ZNF616: variants seen among roughly 807,000 people sequenced by gnomAD.
ZNF616 encodes zinc finger protein 616.
A neutral mutation model predicts 7.6 loss-of-function variants in ZNF616; 5 were observed. The observed-to-expected ratio is 0.66, with a 90% CI of 0.34 to 1.38. The LOEUF (loss-of-function observed/expected upper bound fraction) is 1.38. Ranked by LOEUF, ZNF616 falls within the 40% of genes most tolerant of loss-of-function variation. ZNF616 has a pLI of 0.04. For synonymous variants in ZNF616, 319 were observed against 317.2 expected, an observed-to-expected ratio of 1.01 and a Z score of -0.06; for missense variants, 913 against 948.3, an observed-to-expected ratio of 0.96 and a Z score of 0.49.
chr19:52,113,342 T>A lies in ZNF616; in HGVS notation c.*1476A>T, dbSNP rs1464306424. 1 of 152,216 alleles carries A rather than the reference T, an allele frequency of 6.6e-6. No homozygotes were observed. Among genetic ancestry groups the A allele is most frequent in the Non-Finnish European group, 1.5e-5 (1 of 68,034 alleles). 9.4% of individuals were successfully genotyped at this position (152,216 alleles called of 1,614,324 possible). ...CAAGTTTTCTCTCAAGTAGGGATAA[T>A]TTGGTAAAGGCTGAAGACACACTAC... On this transcript the variant is annotated 3_prime_UTR_variant, in exon 4 of 4. Transcript: ENST00000600228.
rs1261258212 is a variant in ZNF616, at chr19:52,113,724, G to C, written c.*1094C>G. 6.6e-6 allele frequency: 1 copy of C among 152,014 alleles called. No individual in the cohort carries two copies. The highest frequency in any genetic ancestry group is 1.5e-5 in the Non-Finnish European group (1 of 68,030). The allele number at this position is 152,014 out of a possible 1,614,324, so 9.4% of individuals were successfully genotyped here. On this transcript the variant is annotated 3_prime_UTR_variant, in exon 4 of 4. Coordinates refer to ENST00000600228, the MANE Select transcript of ZNF616 (RefSeq NM_178523.5). The stretch of plus-strand genomic sequence containing the variant: ...GAGAACATGTGCTGTTTGATTTTCT[G>C]TTCCTGTGTTAGTTTCCTGAGGATA...
chr19:52,123,820 G>C, intron 3 of ZNF616, 103 bp downstream of exon 3: 1 of 1,414,538 alleles, frequency 7.1e-7, no homozygotes, highest in South Asian at 1.2e-5. Flanking sequence ...GAACCAATAA[G>C]GCTTCAGTCT....
intron 1 of ZNF616, among the ~76,000 whole-genome samples, chr19:52,137,997 C>T (rs2089027525): frequency 6.6e-6 from 1 of 152,206 alleles, no homozygotes; most frequent in Non-Finnish European, 1.5e-5. Flanking sequence ...CCTTCAAAGA[C>T]ATACATTGTA....
intron 3 of ZNF616, among the ~76,000 whole-genome samples, chr19:52,123,553 G>C (rs2088880864): frequency 6.6e-6 from 1 of 152,126 alleles, no homozygotes; most frequent in Admixed American, 6.5e-5. Context: ...GATTGCTTGA[G>C]CCCAGGAGAC....
intron 3 of ZNF616, among the ~76,000 whole-genome samples, chr19:52,118,934 G>C (rs574131869): frequency 8.4e-4 from 128 of 152,258 alleles, no homozygotes; most frequent in African/African-American, 2.9e-3. Context: ...TACGTTTGCA[G>C]GATCAAACAT....
intron 3 of ZNF616, among the ~76,000 whole-genome samples, chr19:52,123,615 G>C (rs2088881115): frequency 6.6e-6 from 1 of 152,180 alleles, no homozygotes; most frequent in Non-Finnish European, 1.5e-5. Context: ...CTGGGCAACA[G>C]AGCAAGAACC....
chr19:52,136,146 G>T (rs1568563966), intron 1 of ZNF616, among the ~76,000 whole-genome samples: 1 of 139,758 alleles, frequency 7.2e-6, no homozygotes, highest in African/African-American at 2.8e-5. Flanking sequence ...AAAAAAAGCG[G>T]GGGGGGGACA....
chr19:52,134,250 CCTT>C (rs1456679304), intron 1 of ZNF616, among the ~76,000 whole-genome samples: 7 of 152,234 alleles, frequency 4.6e-5, no homozygotes, highest in Non-Finnish European at 8.8e-5. Flanking sequence ...TAATTTCCCT[CCTT>C]ATCACGACAT....
At chr19:52,117,179 T>C (rs2088833548) in intron 3 of ZNF616, among the ~76,000 whole-genome samples, 155 bp from the exon 4 acceptor site, 2 of 152,172 alleles carry the variant, frequency 1.3e-5, no homozygotes, top group African/African-American at 4.8e-5. Flanking sequence ...AAATACAAAA[T>C]GAATAGAAGT....
chr19:52,138,440 ACCAT>A (rs1417883567), intron 1 of ZNF616: 1 of 152,174 alleles, frequency 6.6e-6, no homozygotes, highest in African/African-American at 2.4e-5. Context: ...CATTAAAACC[ACCAT>A]CCATATCCAA....
intron 1 of ZNF616, among the ~76,000 whole-genome samples, chr19:52,136,718 A>G (rs1382220918): frequency 6.6e-6 from 1 of 152,176 alleles, no homozygotes; most frequent in African/African-American, 2.4e-5. Flanking sequence ...AATGCAATCC[A>G]GCAATCTCAT....
At chr19:52,130,277 G>A (rs1369267293) in intron 2 of ZNF616, among the ~76,000 whole-genome samples, 1 of 152,114 alleles carries the variant, frequency 6.6e-6, no homozygotes, top group Non-Finnish European at 1.5e-5. Flanking sequence ...ACCATGCCCA[G>A]TGCAGCCTCT....
chr19:52,124,387 G>A (rs1441800856), intron 2 of ZNF616, among the ~76,000 whole-genome samples: 3 of 152,224 alleles, frequency 2.0e-5, no homozygotes, highest in Non-Finnish European at 4.4e-5. Flanking sequence ...TTTCAGAGAT[G>A]ACAATGTCTA....
rs991507161 is a variant in ZNF616, at chr19:52,134,856, C to G, written c.-76-4268G>C. On this transcript the variant is annotated intron_variant, in intron 1 of 3. Transcript: ENST00000600228. ...ACCCTCTTGCCTGGAGAAAATATCC[C>G]TGTTCCACACTGAGTTTAAAGCATT... Among the ~76,000 whole-genome samples the G allele has an allele frequency of 3.2e-4, 49 of 152,132 alleles. 1 individual carries two copies. The highest frequency in any genetic ancestry group is 8.8e-5 in the Non-Finnish European group (6 of 68,028).
At chr19:52,117,166 T>A in intron 3 of ZNF616, 142 bp from the exon 4 acceptor site, 1 of 663,742 alleles carries the variant, frequency 1.5e-6, no homozygotes, top group South Asian at 3.3e-5. Context: ...CTTTTATTTT[T>A]AGAAATACAA....
intron 1 of ZNF616, among the ~76,000 whole-genome samples, chr19:52,133,485 G>A (rs1208839450): frequency 3.9e-5 from 6 of 152,150 alleles, no homozygotes. Context: ...AACGGGTCAT[G>A]GGGGTTTGTT....
At chr19:52,129,244 A>G (rs576637856) in intron 2 of ZNF616, among the ~76,000 whole-genome samples, 1 of 152,208 alleles carries the variant, frequency 6.6e-6, no homozygotes, top group Non-Finnish European at 1.5e-5. Flanking sequence ...ACGCCATTGT[A>G]GTCCGGCCTG....
In ZNF616 at chr19:52,115,887, A is replaced by G. The variant is rs547329835; in HGVS notation, c.1277T>C (p.Val426Ala). 1 of 1,613,998 alleles carries G rather than the reference A, an allele frequency of 6.2e-7. No homozygotes were observed. Among genetic ancestry groups the G allele is most frequent in the Non-Finnish European group, 8.5e-7 (1 of 1,179,988 alleles). The part of the protein sequence containing the change: ...KVFSKRSSLA[V>A]HQRIHTGQKT... ...CTGTCCAGTATGAATTCTCTGATGC[A>G]CTGCAAGACTTGAACGTTTACTGAA... Residue 426 changes from valine to alanine, a missense_variant, in exon 4 of 4, where the codon GTG (valine) becomes GCG (alanine). Val to Ala is a moderately conservative substitution (Grantham distance 64, BLOSUM62 0). Transcript: ENST00000600228.
rs2088807547 is a variant in ZNF616, at chr19:52,115,201, G to A, written c.1963C>T (p.His655Tyr). The A allele has an allele frequency of 6.2e-7, 1 of 1,614,066 alleles. No individual in the cohort carries two copies. The highest frequency in any genetic ancestry group is 1.3e-5 in the African/African-American group (1 of 74,920). ...RVHLRLHQTV[H>Y]TGDRPYKCNE... The stretch of plus-strand genomic sequence containing the variant: ...CATTTGTAAGGTCTGTCTCCAGTAT[G>A]AACAGTCTGATGAAGTCTAAGATGG... The change falls in exon 4 of 4, where the codon CAT (histidine) becomes TAT (tyrosine). Residue 655 changes from histidine to tyrosine, a missense_variant. Transcript: ENST00000600228.
Sources: gnomAD v4.1 joint callset for allele counts (sites outside exome capture counted in the v4.1 genomes callset) on GRCh38, gnomAD v4.1.1 for gene constraint, MANE v1.5 for transcripts, NCBI Gene and HGNC (gene_info 2026-07-23, HGNC 2026-07-21) for gene names.